Variants in PCSK5 observed in about 807,000 individuals in gnomAD.
PCSK5 encodes the protein proprotein convertase subtilisin/kexin type 5, also known as prohormone convertase 5.
A neutral mutation model predicts 233.2 loss-of-function variants in PCSK5; 129 were observed. The observed-to-expected ratio is 0.55, with a 90% CI of 0.48 to 0.64. The LOEUF (loss-of-function observed/expected upper bound fraction) is 0.64, where lower values mean the gene tolerates loss of function less well. Among genes scored for constraint, PCSK5 ranks in the 30% least tolerant of loss-of-function variants. PCSK5 has a pLI of 0.00. For synonymous variants in PCSK5, 825 were observed against 879.2 expected, an observed-to-expected ratio of 0.94 and a Z score of 1.09; for missense variants, 2,076 against 2,430.1, an observed-to-expected ratio of 0.85 and a Z score of 3.06.
chr9:76,021,522 T>G, intron 3 of PCSK5, among the ~76,000 whole-genome samples: 1 of 151,972 alleles, frequency 6.6e-6, no homozygotes, highest in African/African-American at 2.4e-5. Flanking sequence ...AGAGAGTGTG[T>G]GTTCAGGGCC....
chr9:76,248,783 T>A (rs1243702034), intron 24 of PCSK5, among the ~76,000 whole-genome samples: 1 of 152,130 alleles, frequency 6.6e-6, no homozygotes, highest in Non-Finnish European at 1.5e-5. Context: ...TCATATTCTT[T>A]TTGTTTTGTT....
chr9:75,982,097 A>G (rs1340505), intron 2 of PCSK5, among the ~76,000 whole-genome samples: 111,809 of 152,096 alleles, frequency 0.74, 41,402 homozygotes, highest in East Asian at 0.83. Context: ...TTTGTAACTT[A>G]CATTTTTTTT....
intron 24 of PCSK5, among the ~76,000 whole-genome samples, chr9:76,248,124 C>T (rs943735835): frequency 2.0e-5 from 3 of 151,926 alleles, no homozygotes; most frequent in Admixed American, 6.6e-5. Context: ...GAGATGGGGT[C>T]GCACTATACT....
In PCSK5 at chr9:76,170,917, C is replaced by T. The variant is rs569789582; in HGVS notation, c.1756+1077C>T. Among the ~76,000 whole-genome samples, 3 of 152,230 alleles carry T rather than the reference C, an allele frequency of 2.0e-5. No individual in the cohort carries two copies. In the East Asian group the frequency reaches 5.8e-4, roughly 29 times the overall value. ...TTGTTGACTGTACATTTTGGTTATC[C>T]CTTCCCTAGTTCTGTAATGAGGTTC... On this transcript the variant is annotated intron_variant, in intron 13 of 37. Coordinates refer to ENST00000674117, the MANE Select transcript of PCSK5 (RefSeq NM_001372043.1).
At chr9:76,240,250 A>AGTGTTCTATCT (rs947780787) in intron 23 of PCSK5, among the ~76,000 whole-genome samples, 7 of 152,196 alleles carry the variant, frequency 4.6e-5, no homozygotes. Flanking sequence ...TTTTTTAAAA[A>AGTGTTCTATCT]GTGTTTAGTA....
At chr9:76,147,255 C>T (rs1823477484) in intron 10 of PCSK5, among the ~76,000 whole-genome samples, 1 of 152,182 alleles carries the variant, frequency 6.6e-6, no homozygotes. Context: ...ATTAAGGGAA[C>T]TTTTATCTTC....
At chr9:76,276,672 C>T (rs1446171453) in intron 24 of PCSK5, among the ~76,000 whole-genome samples, 1 of 152,154 alleles carries the variant, frequency 6.6e-6, no homozygotes, top group African/African-American at 2.4e-5. Flanking sequence ...TTGCAAGACA[C>T]GGCCTCACTA....
At chr9:76,028,099 T>C (rs1828504735) in intron 5 of PCSK5, among the ~76,000 whole-genome samples, 1 of 152,224 alleles carries the variant, frequency 6.6e-6, no homozygotes, top group Non-Finnish European at 1.5e-5. Flanking sequence ...ATGCTGTTGG[T>C]TGACATGAAC....
chr9:75,912,109 A>G (rs1822767096), intron 1 of PCSK5, among the ~76,000 whole-genome samples: 1 of 152,158 alleles, frequency 6.6e-6, no homozygotes. Flanking sequence ...AAAAAGAACA[A>G]CAAAAAAGCA....
At chr9:76,046,270 C>T (rs1314991094) in intron 5 of PCSK5, among the ~76,000 whole-genome samples, 4 of 138,690 alleles carry the variant, frequency 2.9e-5, no homozygotes, top group South Asian at 4.8e-4. Flanking sequence ...CTCTGCCTCC[C>T]GGGTTCAAGC....
At chr9:76,118,023 T>C (rs1832495411) in intron 9 of PCSK5, among the ~76,000 whole-genome samples, 1 of 152,154 alleles carries the variant, frequency 6.6e-6, no homozygotes, top group African/African-American at 2.4e-5. Flanking sequence ...TATTCATTGC[T>C]CTGAATTTAG....
Position 76,227,590 on chromosome 9 carries a change from C to T in PCSK5, c.2714C>T (p.Thr905Ile), listed in dbSNP as rs1415035507. The change falls in exon 21 of 38, where the codon ACC (threonine) becomes ATC (isoleucine). Residue 905 changes from threonine to isoleucine, a missense_variant. Around this residue, in one of 6 missense-constraint regions of PCSK5, gnomAD observed 1,510 missense variants for 1,538.1 expected, o/e 0.98. Coordinates refer to ENST00000674117, the MANE Select transcript of PCSK5 (RefSeq NM_001372043.1). ...CQGPTQEDCT[T>I]CPMTRIFDDG... The stretch of plus-strand genomic sequence containing the variant: ...GGACCAACCCAGGAAGACTGCACTA[C>T]CTGCCCCATGACAAGGTAAGTGGCT... 2 of 1,609,056 alleles carry T rather than the reference C, an allele frequency of 1.2e-6. No individual in the cohort carries two copies. The highest frequency in any genetic ancestry group is 2.2e-5 in the South Asian group (2 of 90,510).
At chr9:76,342,815 C>A (rs1370610260) in intron 35 of PCSK5, among the ~76,000 whole-genome samples, 1 of 152,168 alleles carries the variant, frequency 6.6e-6, no homozygotes, top group African/African-American at 2.4e-5. Flanking sequence ...AATGGCCCCA[C>A]CATTCACCCA....
Position 75,891,262 on chromosome 9 carries a change from C to T in PCSK5, c.81C>T (p.Leu27=). ...CVLALLGGCL[L]PVCRTRVYTN... The stretch of plus-strand genomic sequence containing the variant: ...TGGCGCTGCTCGGGGGCTGCCTGCT[C>T]CCCGTGTGTCGGACGCGCGTCTACA... Residue 27 remains leucine (L), a synonymous_variant, in exon 1 of 38, where the codon CTC becomes CTT. Coordinates refer to ENST00000674117, the MANE Select transcript of PCSK5 (RefSeq NM_001372043.1). 3.3e-6 allele frequency: 5 copies of T among 1,529,788 alleles called. No homozygotes were observed. The highest frequency in any genetic ancestry group is 3.5e-6 in the Non-Finnish European group (4 of 1,148,358). 94.8% of individuals were successfully genotyped at this position (1,529,788 alleles called of 1,614,324 possible).
intron 8 of PCSK5, among the ~76,000 whole-genome samples, chr9:76,101,537 A>G (rs559887821): frequency 5.3e-5 from 8 of 152,126 alleles, no homozygotes; most frequent in Admixed American, 4.6e-4. Flanking sequence ...AGTCCCTCCC[A>G]TCATTAAATT....
At chr9:76,314,932 G>A (rs1416243988) in intron 30 of PCSK5, among the ~76,000 whole-genome samples, 5 of 151,050 alleles carry the variant, frequency 3.3e-5, no homozygotes, top group African/African-American at 4.9e-5. Context: ...GAGCCGCCAC[G>A]CTAGGCCAAA....
chr9:76,041,699 GTGTGGTGGC>G (rs1010161050), intron 5 of PCSK5, among the ~76,000 whole-genome samples: 7 of 152,110 alleles, frequency 4.6e-5, no homozygotes, highest in African/African-American at 1.4e-4. Context: ...AATTAGCCAG[GTGTGGTGGC>G]TGTGCCTGTA....
intron 3 of PCSK5, among the ~76,000 whole-genome samples, chr9:76,016,478 T>C (rs368095574): frequency 3.7e-4 from 57 of 152,170 alleles, no homozygotes; most frequent in Non-Finnish European, 5.7e-4. Flanking sequence ...GTACTTGAGA[T>C]TGGTGTGAAC....
intron 5 of PCSK5, among the ~76,000 whole-genome samples, chr9:76,037,774 G>C (rs1281140649): frequency 1.3e-5 from 2 of 152,080 alleles, no homozygotes; most frequent in African/African-American, 4.8e-5. Flanking sequence ...CGTACGTGGG[G>C]AATTGTGGTG....
Sources: allele counts gnomAD v4.1 joint callset (sites outside exome capture counted in the v4.1 genomes callset), GRCh38; gene constraint gnomAD v4.1.1; regional missense constraint gnomAD v4.1.1; transcripts MANE v1.5; gene names NCBI Gene and HGNC (gene_info 2026-07-23, HGNC 2026-07-21).